COL5A2: variants seen among roughly 807,000 people sequenced by gnomAD.
COL5A2 encodes the protein collagen type V alpha 2 chain, also known as collagen alpha-2(V) chain.
COL5A2 carries 23 observed loss-of-function variants against 208.2 expected under a neutral mutation model. That is an observed-to-expected ratio of 0.11 (90% confidence interval 0.08 to 0.16). The LOEUF (loss-of-function observed/expected upper bound fraction) is 0.16. COL5A2 is among the 10% of genes least tolerant of loss of function. COL5A2 has a pLI of 1.00. For missense variants in COL5A2, 1,590 were observed against 1,956.4 expected (o/e 0.81, Z 3.53); for synonymous variants, 625 against 628.5 (o/e 0.99, Z 0.08).
At position 189,079,092 on chromosome 2, in the gene COL5A2, T is replaced by G. The variant is rs893128613; in HGVS notation, c.976A>C (p.Thr326Pro). ...GGACCCATGGCACCCATTGGACCAG[T>G]GGGGCCAGCTTCACCCTAAAAAAAA... Reference protein sequence around the residue: ...APGSKGEAGPTGPMGAMGPLG... With the variant: ...APGSKGEAGPPGPMGAMGPLG... Residue 326 changes from threonine (T) to proline (P), a missense_variant, in exon 15 of 54, where the codon ACT becomes CCT. Physicochemically the swap from Thr to Pro is conservative, Grantham distance 38. Transcript: ENST00000374866. 6.2e-7 allele frequency: 1 copy of G among 1,612,860 alleles called. No individual in the cohort carries two copies. The highest frequency in any genetic ancestry group is 1.3e-5 in the African/African-American group (1 of 74,828).
intron 16 of COL5A2, 111 bp downstream of exon 16, chr2:189,078,405 A>G (rs941765259): frequency 3.9e-5 from 33 of 849,164 alleles, no homozygotes; most frequent in Non-Finnish European, 6.3e-5. Flanking sequence ...GAAAAAAAAA[A>G]AAGGTGACCA....
At chr2:189,093,715 A>T (rs1474756887) in intron 6 of COL5A2, among the ~76,000 whole-genome samples, 1 of 152,234 alleles carries the variant, frequency 6.6e-6, no homozygotes, top group African/African-American at 2.4e-5. Flanking sequence ...TTTAAAAATC[A>T]AAACTTTTCT....
At chr2:189,234,573 T>C in the COL5A2 span, among the ~76,000 whole-genome samples, 4 of 151,814 alleles carry the variant, frequency 2.6e-5, no homozygotes, top group Non-Finnish European at 4.4e-5. Flanking sequence ...ACATAAAGAA[T>C]ACTTGGATTA....
intron 1 of COL5A2, among the ~76,000 whole-genome samples, chr2:189,172,837 T>C (rs1688597244): frequency 6.6e-6 from 1 of 151,970 alleles, no homozygotes; most frequent in Admixed American, 6.6e-5. Flanking sequence ...TCTTTCCTCC[T>C]TCTTAATCCT....
intron 1 of COL5A2, among the ~76,000 whole-genome samples, chr2:189,223,588 T>C (rs922406193): frequency 6.6e-6 from 1 of 152,156 alleles, no homozygotes; most frequent in Admixed American, 6.6e-5. Flanking sequence ...ATCAACAACA[T>C]CGTGGATAAA....
rs144602736 is a variant in COL5A2 at position 189,068,236 on chromosome 2, T to C, written c.1292A>G (p.Lys431Arg). Residue 431 changes from lysine to arginine, a missense_variant, in exon 20 of 54, where the codon AAA becomes AGA. Coordinates refer to ENST00000374866, the MANE Select transcript of COL5A2 (RefSeq NM_000393.5). ...AIGTDGTPGA[K>R]GPTGSPGTSG... ...AAATGCAGTACTCACCGTTGGGCCT[T>C]TGGCACCAGGAGTACCATCAGTTCC... 269 of 1,613,836 alleles carry C rather than the reference T, an allele frequency of 1.7e-4. No individual in the cohort carries two copies. Among genetic ancestry groups the C allele is most frequent in the Non-Finnish European group, 2.2e-4 (256 of 1,179,862 alleles).
chr2:189,360,182 A>G, the COL5A2 span, among the ~76,000 whole-genome samples: 1 of 151,984 alleles, frequency 6.6e-6, no homozygotes, highest in Non-Finnish European at 1.5e-5. Context: ...ATAGGTGTTT[A>G]TTGCTAAGAA....
chr2:189,375,680 G>A, the COL5A2 span, among the ~76,000 whole-genome samples: 1 of 152,116 alleles, frequency 6.6e-6, no homozygotes, highest in Non-Finnish European at 1.5e-5. Flanking sequence ...ATTGATTCAA[G>A]ATTTTTGCAA....
the COL5A2 span, among the ~76,000 whole-genome samples, chr2:189,351,122 T>A: frequency 2.0e-5 from 3 of 152,200 alleles, no homozygotes; most frequent in Non-Finnish European, 4.4e-5. Context: ...GAGATTCCTA[T>A]ATGGCTAACA....
upstream of COL5A2, among the ~76,000 whole-genome samples, chr2:189,180,783 C>A (rs1228085755): frequency 6.6e-6 from 1 of 152,164 alleles, no homozygotes; most frequent in African/African-American, 2.4e-5. Context: ...GTTGAACATG[C>A]ATTTTAAGGA....
intron 1 of COL5A2, among the ~76,000 whole-genome samples, chr2:189,147,184 A>C (rs1269883384): frequency 6.6e-6 from 1 of 152,206 alleles, no homozygotes; most frequent in Non-Finnish European, 1.5e-5. Context: ...TGTGTCCAAA[A>C]TACTGGATCA....
At chr2:189,292,721 A>G in the COL5A2 span, among the ~76,000 whole-genome samples, 18 of 152,288 alleles carry the variant, frequency 1.2e-4, no homozygotes, top group Non-Finnish European at 1.9e-4. Context: ...CTAGAACTAG[A>G]AATACCATTT....
the COL5A2 span, among the ~76,000 whole-genome samples, chr2:189,245,482 A>T: frequency 8.1e-5 from 10 of 124,138 alleles, no homozygotes; most frequent in African/African-American, 1.5e-4. Context: ...TATACTCAAA[A>T]TTTTTTTTTT....
rs148851552 is a variant in COL5A2, at chr2:189,085,728, A to C, written c.735T>G (p.Pro245=). The change falls in exon 10 of 54, where the codon CCT becomes CCG. Residue 245 remains proline, a synonymous_variant. Transcript: ENST00000374866. ...PTGPPGEPGD[P]GPMGPIGSRG... is the part of the protein sequence containing the mutation. ...CTTACTTGACATTTACCATTGGTCC[A>C]GGATCACCAGGTTCACCAGGAGGTC... 1.5e-5 allele frequency: 25 copies of C among 1,613,374 alleles called. 1 individual carries two copies. The African/African-American group carries it at 1.9e-4, about 12-fold the overall frequency.
chr2:189,427,207 A>G, the COL5A2 span, among the ~76,000 whole-genome samples: 1 of 152,216 alleles, frequency 6.6e-6, no homozygotes, highest in Non-Finnish European at 1.5e-5. Flanking sequence ...TAGCCACTCC[A>G]GCTCCAGCTG....
At chr2:189,278,084 G>C in the COL5A2 span, among the ~76,000 whole-genome samples, 1 of 152,042 alleles carries the variant, frequency 6.6e-6, no homozygotes, top group East Asian at 1.9e-4. Context: ...GAGATGCACT[G>C]CTAAGTCGCT....
chr2:189,252,525 C>T, the COL5A2 span, among the ~76,000 whole-genome samples: 1 of 152,062 alleles, frequency 6.6e-6, no homozygotes, highest in Non-Finnish European at 1.5e-5. Flanking sequence ...AAAAACCAAA[C>T]ACCCCATGTT....
rs537350894 is a variant in COL5A2 at position 189,155,516 on chromosome 2, T to C, written c.97+23992A>G. On this transcript the variant is annotated intron_variant, in intron 1 of 53. Transcript: ENST00000374866. ...GTTCTATTATCTGCATTGTCCAAGA[T>C]AGTAGTCACTGGCCACACTAGTAGC... Among the ~76,000 whole-genome samples, 21 of 152,314 alleles carry C rather than the reference T, an allele frequency of 1.4e-4. No homozygotes were observed. In the South Asian group the frequency reaches 3.3e-3, roughly 24 times the overall value.
intron 1 of COL5A2, among the ~76,000 whole-genome samples, chr2:189,211,440 G>C (rs574997124): frequency 3.9e-5 from 6 of 152,190 alleles, no homozygotes; most frequent in Admixed American, 3.9e-4. Flanking sequence ...TAGATGATAA[G>C]TACTGCACTG....
Sources: allele counts gnomAD v4.1 joint callset (sites outside exome capture counted in the v4.1 genomes callset), GRCh38; gene constraint gnomAD v4.1.1; transcripts MANE v1.5; gene names NCBI Gene and HGNC (gene_info 2026-07-23, HGNC 2026-07-21).